Variants in NCKAP1L observed in about 807,000 individuals in gnomAD.
NCKAP1L encodes NCK associated protein 1 like, also known as nck-associated protein 1-like.
In NCKAP1L, 53 loss-of-function variants were observed where a neutral mutation model predicts 139.2. That is an observed-to-expected ratio of 0.38 (90% CI 0.31 to 0.48). The LOEUF (loss-of-function observed/expected upper bound fraction) is 0.48. Among genes scored for constraint, NCKAP1L ranks in the 20% least tolerant of loss-of-function variants. The pLI is 0.98. For missense variants in NCKAP1L, 1,151 were observed against 1,381.9 expected (o/e 0.83, Z 2.65); for synonymous variants, 468 against 499.7 (o/e 0.94, Z 0.85).
In NCKAP1L at chr12:54,545,836, G is replaced by C. The variant is rs913869809; in HGVS notation, c.*3151G>C. 8 of 152,224 alleles carry C rather than the reference G, an allele frequency of 5.3e-5. No homozygotes were observed. The highest frequency in any genetic ancestry group is 1.0e-4 in the Non-Finnish European group (7 of 68,044). The allele number at this position is 152,224 out of a possible 1,614,324, so 9.4% of individuals were successfully genotyped here. A position where few individuals can be genotyped will look rare whatever the true frequency, so the allele number is the denominator to read the frequency against. Reference sequence around the variant, plus strand: ...GGAATTATGCCTCCCACAAGGCCTGGGGCAAGATACTTGCATAGGTGCCCC... The same window carrying C: ...GGAATTATGCCTCCCACAAGGCCTGCGGCAAGATACTTGCATAGGTGCCCC... On this transcript the variant is annotated 3_prime_UTR_variant, in exon 31 of 31. Coordinates refer to ENST00000293373, the MANE Select transcript of NCKAP1L (RefSeq NM_005337.5).
At chr12:54,513,968 ATGTGTGTGTGTGTG>A (rs61519403) in intron 9 of NCKAP1L, among the ~76,000 whole-genome samples, 12 of 148,698 alleles carry the variant, frequency 8.1e-5, no homozygotes, top group South Asian at 2.2e-4. Context: ...CATCCTTCAG[ATGTGTGTGTGTGTG>A]TGTGTGTGTG....
intron 2 of NCKAP1L, 134 bp downstream of exon 2, chr12:54,499,599 C>A: frequency 1.7e-6 from 1 of 599,662 alleles, no homozygotes. Flanking sequence ...TTTTCCAAGG[C>A]TCAACCACAG....
intron 18 of NCKAP1L, 130 bp from the exon 19 acceptor site, chr12:54,523,264 G>A (rs1395196567): frequency 1.9e-6 from 2 of 1,072,884 alleles, no homozygotes; most frequent in South Asian, 1.6e-5. Flanking sequence ...AGAGGTGTGT[G>A]GAAGGAAAGA....
intron 22 of NCKAP1L, 64 bp downstream of exon 22, chr12:54,528,441 A>C: frequency 6.4e-7 from 1 of 1,567,508 alleles, no homozygotes; most frequent in Non-Finnish European, 8.6e-7. Context: ...ACAGAGAATA[A>C]AAGACTAGGA....
At chr12:54,535,399 C>A (rs1158084619) in intron 27 of NCKAP1L, among the ~76,000 whole-genome samples, 1 of 152,186 alleles carries the variant, frequency 6.6e-6, no homozygotes, top group African/African-American at 2.4e-5. Context: ...ACTAGTTGAT[C>A]TACATCCTCA....
At chr12:54,500,126 CTTTTTT>C (rs35014155) in intron 2 of NCKAP1L, among the ~76,000 whole-genome samples, 1 of 141,834 alleles carries the variant, frequency 7.1e-6, no homozygotes, top group Non-Finnish European at 1.5e-5. Context: ...CTTTTCTTTT[CTTTTTT>C]TTTTTTTTTG....
At chr12:54,532,807 A>T (rs1475964992) in intron 26 of NCKAP1L, among the ~76,000 whole-genome samples, 1 of 152,074 alleles carries the variant, frequency 6.6e-6, no homozygotes, top group Non-Finnish European at 1.5e-5. Context: ...TTAAGCATCC[A>T]TTTCCCACCC....
intron 22 of NCKAP1L, among the ~76,000 whole-genome samples, chr12:54,528,656 C>G (rs111639331): frequency 6.6e-6 from 1 of 150,950 alleles, no homozygotes; most frequent in East Asian, 1.9e-4. Context: ...GATGGAGTCT[C>G]GCTCTGTTGC....
chr12:54,523,552 G>A lies in NCKAP1L; in HGVS notation c.2024+13G>A, dbSNP rs781347424. ...GCATTGTCACCAAGTGAGGACCTGG[G>A]CCCTAGATGGCCAGCTGGGTACTGC... is the stretch of plus-strand genomic sequence containing the variant. On this transcript the variant is annotated intron_variant, in intron 19 of 30. Transcript: ENST00000293373. The A allele has an allele frequency of 1.9e-6, 3 of 1,607,254 alleles. No homozygotes were observed. The highest frequency in any genetic ancestry group is 2.2e-5 in the South Asian group (2 of 89,954).
rs1401363320 is a variant in NCKAP1L at position 54,517,523 on chromosome 12, C to T, written c.1096-10C>T. The T allele has an allele frequency of 1.9e-6, 3 of 1,593,552 alleles. No homozygotes were observed. Among genetic ancestry groups the T allele is most frequent in the Non-Finnish European group, 2.6e-6 (3 of 1,161,360 alleles). Reference sequence around the variant, plus strand: ...GTTGAAAATTCTAATAGTCTCTACCCCCTCCATAGGCTCTTTTTGCTTTCA... The same window carrying T: ...GTTGAAAATTCTAATAGTCTCTACCTCCTCCATAGGCTCTTTTTGCTTTCA... On this transcript the variant is annotated splice_polypyrimidine_tract_variant and intron_variant, in intron 11 of 30. Transcript: ENST00000293373.
Position 54,526,670 on chromosome 12 carries a change from C to T in NCKAP1L, c.2299C>T (p.Arg767Cys), listed in dbSNP as rs376865577. The T allele has an allele frequency of 1.2e-4, 189 of 1,613,980 alleles. No homozygotes were observed. Among genetic ancestry groups the T allele is most frequent in the Non-Finnish European group, 1.5e-4 (173 of 1,180,024 alleles). ...GGGTGCAGATGCTTCCAGAGTCATC[C>T]GCAACGCCCTCCTGCAGCAGACACA... ...FLGADASRVIRNALLQQTQPL... is the reference protein window; with the variant it reads ...FLGADASRVICNALLQQTQPL... Residue 767 changes from arginine (R) to cysteine (C), a missense_variant, in exon 21 of 31, where the codon CGC becomes TGC. Arg to Cys is a radical substitution (Grantham distance 180). Transcript: ENST00000293373.
chr12:54,512,190 C>A, intron 9 of NCKAP1L, 85 bp downstream of exon 9: 1 of 1,395,708 alleles, frequency 7.2e-7, no homozygotes, highest in Admixed American at 2.1e-5. Context: ...CAAGTGTTCC[C>A]AGATATAGGT....
chr12:54,518,104 G>T (rs1296945172), intron 13 of NCKAP1L, among the ~76,000 whole-genome samples, 166 bp downstream of exon 13: 2 of 152,062 alleles, frequency 1.3e-5, no homozygotes, highest in Admixed American at 6.6e-5. Context: ...ACTTTGGGAG[G>T]CCTAGGCGGG....
chr12:54,528,524 C>T (rs1429724315), intron 22 of NCKAP1L, 147 bp downstream of exon 22: 1 of 923,032 alleles, frequency 1.1e-6, no homozygotes. Context: ...TACTTTTGCA[C>T]CAACCTAATA....
rs1328679944 is a variant in NCKAP1L, at chr12:54,510,005, T to C, written c.735+20T>C. ...GATACAGTGAGTGCCCTTTTCCTTTTGTTAGTGGAAGCATTCTCTTTGCCA... is the reference window on the plus strand; with the variant it reads ...GATACAGTGAGTGCCCTTTTCCTTTCGTTAGTGGAAGCATTCTCTTTGCCA... On this transcript the variant is annotated intron_variant, in intron 7 of 30. Transcript: ENST00000293373. The C allele has an allele frequency of 6.2e-7, 1 of 1,613,256 alleles. No individual in the cohort carries two copies. The highest frequency in any genetic ancestry group is 1.1e-5 in the South Asian group (1 of 91,054).
At chr12:54,532,403 G>T (rs961447334) in intron 26 of NCKAP1L, among the ~76,000 whole-genome samples, 153 bp downstream of exon 26, 7 of 152,108 alleles carry the variant, frequency 4.6e-5, no homozygotes, top group African/African-American at 1.4e-4. Flanking sequence ...GAATATTCTT[G>T]GAGAGAAAGA....
chr12:54,506,140 G>A (rs1410510505), intron 3 of NCKAP1L, among the ~76,000 whole-genome samples: 2 of 152,158 alleles, frequency 1.3e-5, no homozygotes, highest in Non-Finnish European at 2.9e-5. Flanking sequence ...GGTAAATCTA[G>A]AAGTTGAATT....
At chr12:54,525,195 C>T (rs1321094895) in intron 20 of NCKAP1L, among the ~76,000 whole-genome samples, 1 of 152,096 alleles carries the variant, frequency 6.6e-6, no homozygotes, top group Non-Finnish European at 1.5e-5. Flanking sequence ...AGATGGGGAG[C>T]CTTGGCAGGT....
In NCKAP1L at chr12:54,517,834, G is replaced by T; in HGVS notation, c.1234G>T (p.Glu412Ter). Residue 412 changes from glutamate (E) to a stop codon, truncating the protein, a stop_gained, in exon 13 of 31, where the codon GAG (glutamate) becomes TAG (stop). Coordinates refer to ENST00000293373, the MANE Select transcript of NCKAP1L (RefSeq NM_005337.5). LOFTEE classifies it high-confidence loss of function. ...CATTGCAGAGCTACTTTTCTTGTTG[G>T]AGGGGATTAGGTCTCTGGTCCGAAG... Reference protein sequence around the residue: ...SSIAELLFLLEGIRSLVRRHI... With the variant: ...SSIAELLFLL The T allele has an allele frequency of 6.2e-7, 1 of 1,614,138 alleles. No homozygotes were observed. The highest frequency in any genetic ancestry group is 8.5e-7 in the Non-Finnish European group (1 of 1,180,012).
Sources: allele counts gnomAD v4.1 joint callset (sites outside exome capture counted in the v4.1 genomes callset), GRCh38; gene constraint gnomAD v4.1.1; transcripts MANE v1.5; gene names NCBI Gene and HGNC (gene_info 2026-07-23, HGNC 2026-07-21).